The following ARHGEF4 variants were observed in gnomAD, a reference collection of about 807,000 sequenced individuals.
ARHGEF4 encodes the protein Rho guanine nucleotide exchange factor 4.
A neutral mutation model predicts 162.0 loss-of-function variants in ARHGEF4; 119 were observed. The ratio of observed to expected loss-of-function variants is 0.73; its 90% CI spans 0.63 to 0.86. The LOEUF (loss-of-function observed/expected upper bound fraction) is 0.86. Among genes scored for constraint, ARHGEF4 ranks in the 40% least tolerant of loss-of-function variants. The pLI, the probability that ARHGEF4 is intolerant of heterozygous loss-of-function variation, is 0.00. For synonymous variants in ARHGEF4, 1,014 were observed against 979.9 expected (o/e 1.03, Z -0.65); for missense variants, 2,488 against 2,456.0 (o/e 1.01, Z -0.28).
At chr2:130,989,241 G>A (rs910307057) in intron 4 of ARHGEF4, among the ~76,000 whole-genome samples, 8 of 152,152 alleles carry the variant, frequency 5.3e-5, no homozygotes, top group African/African-American at 9.7e-5. Flanking sequence ...GATTACAGGC[G>A]TGAGCCACCG....
At chr2:130,986,082 TTG>T (rs199910924) in intron 4 of ARHGEF4, among the ~76,000 whole-genome samples, 2 of 151,976 alleles carry the variant, frequency 1.3e-5, no homozygotes, top group East Asian at 1.9e-4. Context: ...ATGACGTGTT[TTG>T]TGTGTGTTGT....
rs973733335 is a variant in ARHGEF4, at chr2:130,997,910, A to G, written c.3986-30035A>G. ...CCATGTGCCCCAAGAGTGGAGCTGCATAGGAACACACAGACGCACACCTCC... is the reference window on the plus strand; with the variant it reads ...CCATGTGCCCCAAGAGTGGAGCTGCGTAGGAACACACAGACGCACACCTCC... On this transcript the variant is annotated intron_variant, in intron 4 of 13. Coordinates refer to ENST00000409359, the MANE Select transcript of ARHGEF4 (RefSeq NM_001367493.1). Among the ~76,000 whole-genome samples the G allele has an allele frequency of 4.5e-4, 68 of 150,562 alleles. 1 individual carries two copies. Among genetic ancestry groups the G allele is most frequent in the Admixed American group, 2.2e-3 (34 of 15,192 alleles).
chr2:130,936,701 G>A (rs899306524), intron 3 of ARHGEF4, among the ~76,000 whole-genome samples: 6 of 151,970 alleles, frequency 3.9e-5, no homozygotes, highest in Admixed American at 6.6e-5. Context: ...CTGATTTCAA[G>A]ATTCACTTTT....
intron 1 of ARHGEF4, among the ~76,000 whole-genome samples, chr2:130,857,254 G>A (rs1033986129): frequency 1.4e-4 from 21 of 144,844 alleles, no homozygotes; most frequent in Non-Finnish European, 2.4e-4. Context: ...AAATAAAAAA[G>A]TTAACATAAT....
intron 1 of ARHGEF4, among the ~76,000 whole-genome samples, chr2:130,876,537 G>GCC (rs1310232224): frequency 2.6e-5 from 4 of 152,096 alleles, no homozygotes; most frequent in Admixed American, 2.0e-4. Context: ...GACTACAGGG[G>GCC]CCCGCCAACA....
intron 1 of ARHGEF4, among the ~76,000 whole-genome samples, chr2:130,857,248 A>T (rs1264595131): frequency 6.7e-6 from 1 of 148,534 alleles, no homozygotes; most frequent in Non-Finnish European, 1.5e-5. Flanking sequence ...ATAAAAAAAT[A>T]AAAAAGTTAA....
intron 4 of ARHGEF4, among the ~76,000 whole-genome samples, chr2:131,001,398 G>T (rs533717237): frequency 1.3e-5 from 2 of 151,196 alleles, no homozygotes; most frequent in South Asian, 4.2e-4. Flanking sequence ...CAAATGGGCA[G>T]TTCTTAGAAG....
intron 4 of ARHGEF4, among the ~76,000 whole-genome samples, chr2:131,005,071 G>A (rs1345632726): frequency 6.6e-6 from 1 of 152,234 alleles, no homozygotes; most frequent in Non-Finnish European, 1.5e-5. Context: ...TATGGCTGAG[G>A]GCTGTATGGT....
chr2:130,995,852 C>A (rs916385770), intron 4 of ARHGEF4, among the ~76,000 whole-genome samples: 3 of 152,052 alleles, frequency 2.0e-5, no homozygotes, highest in East Asian at 3.9e-4. Context: ...GTTGCTCTCA[C>A]CCCAGCCCCT....
At chr2:131,035,182 C>T in intron 5 of ARHGEF4, 1 of 1,222,388 alleles carries the variant, frequency 8.2e-7, no homozygotes, top group Non-Finnish European at 1.0e-6. Flanking sequence ...CCCCGGCGCC[C>T]AGCGCGTGGT....
intron 1 of ARHGEF4, among the ~76,000 whole-genome samples, chr2:130,845,855 A>C (rs1031420508): frequency 6.6e-6 from 1 of 152,224 alleles, no homozygotes; most frequent in African/African-American, 2.4e-5. Flanking sequence ...AGCCAGACCT[A>C]CGGTGTGATC....
At chr2:131,023,862 T>C (rs1689302008) in intron 4 of ARHGEF4, among the ~76,000 whole-genome samples, 1 of 152,312 alleles carries the variant, frequency 6.6e-6, no homozygotes, top group African/African-American at 2.4e-5. Context: ...AATCCACATA[T>C]CCTTAAACAG....
intron 4 of ARHGEF4, among the ~76,000 whole-genome samples, chr2:130,948,780 C>T (rs1292107032): frequency 6.6e-6 from 1 of 152,084 alleles, no homozygotes; most frequent in Non-Finnish European, 1.5e-5. Flanking sequence ...TTCTTTTTTT[C>T]TCAGAAATTC....
At chr2:131,043,817 C>T in intron 11 of ARHGEF4, 1 of 566,048 alleles carries the variant, frequency 1.8e-6, no homozygotes, top group Non-Finnish European at 3.1e-6. Context: ...CATGATCTTT[C>T]CTGACCTGGC....
intron 1 of ARHGEF4, among the ~76,000 whole-genome samples, chr2:130,839,110 G>A (rs950050807): frequency 6.6e-6 from 1 of 152,118 alleles, no homozygotes; most frequent in Non-Finnish European, 1.5e-5. Context: ...TGTCCACATG[G>A]GAGGGGCTCT....
At chr2:130,976,213 G>A (rs899416547) in intron 4 of ARHGEF4, among the ~76,000 whole-genome samples, 1 of 152,118 alleles carries the variant, frequency 6.6e-6, no homozygotes, top group Admixed American at 6.5e-5. Context: ...TGGTCTTGAG[G>A]GATAAGAGGG....
chr2:130,972,897 G>T (rs1432210855), intron 4 of ARHGEF4, among the ~76,000 whole-genome samples: 1 of 152,174 alleles, frequency 6.6e-6, no homozygotes. Context: ...TTTCAAAGAA[G>T]ATAGTTAACA....
chr2:130,912,151 T>C (rs1043746080), intron 1 of ARHGEF4, among the ~76,000 whole-genome samples: 1 of 152,242 alleles, frequency 6.6e-6, no homozygotes, highest in South Asian at 2.1e-4. Flanking sequence ...CCACTTGCAG[T>C]TGCACAGTTC....
Position 130,914,122 on chromosome 2 carries a change from AGAGT to A in ARHGEF4, c.179_182del (p.Ser60LysfsTer32). 2 of 1,536,188 alleles carry A rather than the reference AGAGT, an allele frequency of 1.3e-6. No homozygotes were observed. Among genetic ancestry groups the A allele is most frequent in the Non-Finnish European group, 1.7e-6 (2 of 1,146,918 alleles). ...GATGATTCTGAAACGCTGTCCCAGCAGAGTGAAAGTGGATCAGACACAAAAACTG... is the reference window on the plus strand; with the variant it reads ...GATGATTCTGAAACGCTGTCCCAGCAGAAAGTGGATCAGACACAAAAACTG... On this transcript the variant is annotated frameshift_variant, in exon 2 of 14. Coordinates refer to ENST00000409359, the MANE Select transcript of ARHGEF4 (RefSeq NM_001367493.1). LOFTEE classifies it high-confidence loss of function.
Sources: gnomAD v4.1 joint callset for allele counts (sites outside exome capture counted in the v4.1 genomes callset) on GRCh38, gnomAD v4.1.1 for gene constraint, MANE v1.5 for transcripts, NCBI Gene and HGNC (gene_info 2026-07-23, HGNC 2026-07-21) for gene names.